Variants in MAPRE2 observed in about 807,000 individuals in gnomAD.
The protein encoded by MAPRE2 is microtubule-associated protein RP/EB family member 2.
MAPRE2 carries 13 observed loss-of-function variants against 43.2 expected under a neutral mutation model. The observed-to-expected ratio is 0.30, with a 90% CI of 0.20 to 0.48. The LOEUF (loss-of-function observed/expected upper bound fraction) is 0.48, where lower values mean the gene tolerates loss of function less well. Among genes scored for constraint, MAPRE2 ranks in the 20% least tolerant of loss-of-function variants. MAPRE2 has a pLI of 0.99. For missense variants in MAPRE2, 161 were observed against 400.2 expected, an observed-to-expected ratio of 0.40 and a Z score of 5.10; for synonymous variants, 135 against 148.8, an observed-to-expected ratio of 0.91 and a Z score of 0.68.
At chr18:35,113,716 A>G (rs1909283647) in intron 4 of MAPRE2, among the ~76,000 whole-genome samples, 1 of 152,122 alleles carries the variant, frequency 6.6e-6, no homozygotes, top group African/African-American at 2.4e-5. Flanking sequence ...AACATGGCAA[A>G]ACCCCGTCTT....
intron 2 of MAPRE2, among the ~76,000 whole-genome samples, chr18:35,075,286 A>T (rs1486831814): frequency 1.3e-5 from 2 of 152,230 alleles, no homozygotes; most frequent in African/African-American, 4.8e-5. Flanking sequence ...TGAGCCCAGC[A>T]GAGTGTTCTT....
At chr18:34,979,351 C>T (rs2097014884) in intron 1 of MAPRE2, among the ~76,000 whole-genome samples, 1 of 152,172 alleles carries the variant, frequency 6.6e-6, no homozygotes, top group South Asian at 2.1e-4. Flanking sequence ...CAGCAGGCTG[C>T]ACAGCGATCC....
At chr18:35,038,587 A>G (rs1281433070), upstream of MAPRE2, among the ~76,000 whole-genome samples, 1 of 152,146 alleles carries the variant, frequency 6.6e-6, no homozygotes, top group Non-Finnish European at 1.5e-5. Flanking sequence ...GCCTTCATCC[A>G]TTCTTTCTAC....
chr18:35,013,398 G>A lies in MAPRE2; in HGVS notation c.-8+7845G>A, dbSNP rs2097036030. Among the ~76,000 whole-genome samples the A allele has an allele frequency of 2.0e-5, 3 of 152,082 alleles. No individual in the cohort carries two copies. In the South Asian group the frequency reaches 6.2e-4, roughly 32 times the overall value. ...CTAGAGCTTTTTAATTTTGTTAATT[G>A]ACAAATAGTTCTTGTACATATTCAT... On this transcript the variant is annotated intron_variant, in intron 2 of 7. Coordinates refer to the MAPRE2 transcript ENST00000413393.
chr18:34,986,760 T>C (rs1417474120), intron 1 of MAPRE2, among the ~76,000 whole-genome samples: 1 of 152,216 alleles, frequency 6.6e-6, no homozygotes, highest in African/African-American at 2.4e-5. Context: ...TTTGGAGGTA[T>C]GCTTTTCTGT....
chr18:35,104,864 A>G (rs150517430), intron 4 of MAPRE2, among the ~76,000 whole-genome samples: 1 of 152,196 alleles, frequency 6.6e-6, no homozygotes, highest in East Asian at 1.9e-4. Flanking sequence ...AGGGTGTCTG[A>G]TATTTCTCAT....
rs76380098 is a variant in MAPRE2 at position 35,138,836 on chromosome 18, A to G, written c.910-1459A>G. The stretch of plus-strand genomic sequence containing the variant: ...AGAGCTGGGATGTGAACTCGAGTCC[A>G]TGTTGTAACCTTGACATTCTACTTA... On this transcript the variant is annotated intron_variant, in intron 6 of 6. Coordinates refer to ENST00000300249, the MANE Select transcript of MAPRE2 (RefSeq NM_014268.4). Among the ~76,000 whole-genome samples the G allele has an allele frequency of 7.2e-3, 1,092 of 152,296 alleles. 50 individuals are homozygous for G. Among genetic ancestry groups the G allele is most frequent in the Admixed American group, 0.054 (832 of 15,290 alleles).
At chr18:35,099,363 C>T (rs1299269601) in intron 3 of MAPRE2, among the ~76,000 whole-genome samples, 2 of 152,106 alleles carry the variant, frequency 1.3e-5, no homozygotes, top group African/African-American at 2.4e-5. Flanking sequence ...ACCTGTAATC[C>T]CAACACTTTG....
At chr18:35,083,420 G>A (rs1907733267) in intron 2 of MAPRE2, among the ~76,000 whole-genome samples, 1 of 152,168 alleles carries the variant, frequency 6.6e-6, no homozygotes, top group Admixed American at 6.5e-5. Flanking sequence ...TTCATTTGTA[G>A]TAAAAGCTTT....
intron 1 of MAPRE2, among the ~76,000 whole-genome samples, chr18:35,046,655 G>C (rs1478651057): frequency 6.6e-6 from 1 of 152,230 alleles, no homozygotes; most frequent in Non-Finnish European, 1.5e-5. Flanking sequence ...GTTTTGAAAT[G>C]AGAGCTAAAA....
chr18:35,129,076 T>C lies in MAPRE2; in HGVS notation c.750+1989T>C, dbSNP rs116192483. On this transcript the variant is annotated intron_variant, in intron 5 of 6. Coordinates refer to ENST00000300249, the MANE Select transcript of MAPRE2 (RefSeq NM_014268.4). ...ATAGGCCAGTGCCGCCTTCCTGTTA[T>C]AATCCTTTCATTACTTCCCAAAGGC... Among the ~76,000 whole-genome samples the C allele has an allele frequency of 5.8e-3, 876 of 152,310 alleles. 7 individuals carry two copies. The highest frequency in any genetic ancestry group is 0.02 in the African/African-American group (845 of 41,558).
chr18:35,038,007 C>T (rs2097051572), upstream of MAPRE2, among the ~76,000 whole-genome samples: 1 of 152,234 alleles, frequency 6.6e-6, no homozygotes, highest in Non-Finnish European at 1.5e-5. Context: ...CATGGGCACT[C>T]TGCTGGTGGT....
intron 2 of MAPRE2, among the ~76,000 whole-genome samples, chr18:35,078,022 T>C (rs1907454497): frequency 6.6e-6 from 1 of 152,204 alleles, no homozygotes; most frequent in East Asian, 1.9e-4. Flanking sequence ...TTTTCTCCCT[T>C]TCAGTTTAGA....
chr18:35,103,499 G>GATCT (rs1247453253), intron 4 of MAPRE2, among the ~76,000 whole-genome samples: 1 of 152,328 alleles, frequency 6.6e-6, no homozygotes, highest in African/African-American at 2.4e-5. Flanking sequence ...TTTAAGAGAA[G>GATCT]ATCTACATAG....
At chr18:35,003,447 A>G (rs575537949) in intron 1 of MAPRE2, among the ~76,000 whole-genome samples, 2 of 152,220 alleles carry the variant, frequency 1.3e-5, no homozygotes, top group Non-Finnish European at 2.9e-5. Flanking sequence ...CATTTATAAT[A>G]AGATAGTTTT....
intron 2 of MAPRE2, among the ~76,000 whole-genome samples, chr18:35,030,022 T>G (rs1211768874): frequency 6.6e-6 from 1 of 152,252 alleles, no homozygotes; most frequent in Non-Finnish European, 1.5e-5. Context: ...AGCTGACGCT[T>G]ACTGAGAAAT....
intron 1 of MAPRE2, among the ~76,000 whole-genome samples, chr18:34,980,452 T>C (rs2097015626): frequency 1.3e-5 from 2 of 152,026 alleles, no homozygotes; most frequent in Admixed American, 1.3e-4. Flanking sequence ...TATTTTCTCA[T>C]AGGGGCCTCA....
At chr18:35,005,844 A>C (rs2097031596) in intron 2 of MAPRE2, among the ~76,000 whole-genome samples, 1 of 152,212 alleles carries the variant, frequency 6.6e-6, no homozygotes, top group East Asian at 1.9e-4. Flanking sequence ...GTAGAATATC[A>C]AGATATGGTC....
intron 2 of MAPRE2, among the ~76,000 whole-genome samples, chr18:35,013,935 T>G (rs2097036472): frequency 6.6e-6 from 1 of 152,132 alleles, no homozygotes; most frequent in Non-Finnish European, 1.5e-5. Flanking sequence ...CTAGTTTGAT[T>G]TAATATCTTG....
Sources: allele counts gnomAD v4.1 joint callset (sites outside exome capture counted in the v4.1 genomes callset), GRCh38; gene constraint gnomAD v4.1.1; transcripts MANE v1.5; gene names NCBI Gene and HGNC (gene_info 2026-07-23, HGNC 2026-07-21).